DLGAP2: variants seen among roughly 807,000 people sequenced by gnomAD.
The protein encoded by DLGAP2 is DLG associated protein 2.
A neutral mutation model predicts 100.3 loss-of-function variants in DLGAP2; 26 were observed. The ratio of observed to expected loss-of-function variants is 0.26; its 90% CI spans 0.19 to 0.36. The LOEUF is 0.36. DLGAP2 is among the 10% of genes least tolerant of loss of function. DLGAP2 has a pLI of 1.00. For synonymous variants in DLGAP2, 886 were observed against 630.1 expected, an observed-to-expected ratio of 1.41 and a Z score of -6.08; for missense variants, 1,858 against 1,453.2, an observed-to-expected ratio of 1.28 and a Z score of -4.53.
Position 1,180,059 on chromosome 8 carries a change from T to C in DLGAP2, c.74-78792T>C, listed in dbSNP as rs568144288. Among the ~76,000 whole-genome samples the C allele has an allele frequency of 7.9e-5, 12 of 152,342 alleles. No homozygotes were observed. The South Asian group carries it at 2.3e-3, about 29-fold the overall frequency. On this transcript the variant is annotated intron_variant, in intron 2 of 14. Coordinates refer to ENST00000637795, the MANE Select transcript of DLGAP2 (RefSeq NM_001346810.2). ...TGAATGGAGAAGCACTGGCAAAGAA[T>C]TGTTGAATGTTCATGTTGTATCAAT...
chr8:1,038,577 G>C (rs1290612174), intron 2 of DLGAP2, among the ~76,000 whole-genome samples: 2 of 152,226 alleles, frequency 1.3e-5, no homozygotes, highest in Non-Finnish European at 2.9e-5. Flanking sequence ...TAATTCTCAA[G>C]AAGTAGCCCC....
chr8:1,070,403 G>T (rs1489310977), intron 2 of DLGAP2, among the ~76,000 whole-genome samples: 1 of 152,150 alleles, frequency 6.6e-6, no homozygotes, highest in Non-Finnish European at 1.5e-5. Flanking sequence ...CCTGAGGGAG[G>T]TGTGTGGATT....
chr8:1,254,849 C>T (rs986535893), intron 2 of DLGAP2, among the ~76,000 whole-genome samples: 3 of 152,186 alleles, frequency 2.0e-5, no homozygotes, highest in African/African-American at 7.2e-5. Flanking sequence ...CCTCCGTGGG[C>T]CTCACTCCCT....
chr8:973,645 C>G (rs528602546), intron 2 of DLGAP2, among the ~76,000 whole-genome samples: 3 of 152,234 alleles, frequency 2.0e-5, no homozygotes, highest in Non-Finnish European at 4.4e-5. Context: ...GCCGAGATCA[C>G]GCCACTGCAC....
intron 6 of DLGAP2, among the ~76,000 whole-genome samples, chr8:1,589,409 T>C (rs1309611050): frequency 1.3e-5 from 2 of 152,218 alleles, no homozygotes; most frequent in Non-Finnish European, 2.9e-5. Context: ...ATGAAACTTA[T>C]TCCTTGCATG....
At chr8:908,866 A>C (rs1798431177) in intron 2 of DLGAP2, among the ~76,000 whole-genome samples, 1 of 152,164 alleles carries the variant, frequency 6.6e-6, no homozygotes, top group African/African-American at 2.4e-5. Context: ...ACATTTTCTT[A>C]CTTGTTTTCT....
At chr8:1,230,404 G>T (rs1204314480) in intron 2 of DLGAP2, among the ~76,000 whole-genome samples, 1 of 152,078 alleles carries the variant, frequency 6.6e-6, no homozygotes, top group South Asian at 2.1e-4. Context: ...ATGGACTGGA[G>T]GAATCAATAT....
At chr8:1,209,390 C>T (rs1221080453) in intron 2 of DLGAP2, among the ~76,000 whole-genome samples, 1 of 152,148 alleles carries the variant, frequency 6.6e-6, no homozygotes, top group Non-Finnish European at 1.5e-5. Context: ...TTAGCTTTTT[C>T]CTTCCCTACA....
At chr8:1,588,486 G>A (rs1042651568) in intron 6 of DLGAP2, among the ~76,000 whole-genome samples, 7 of 152,166 alleles carry the variant, frequency 4.6e-5, no homozygotes, top group East Asian at 3.9e-4. Flanking sequence ...CTTCTTTGGC[G>A]TATGATGCCT....
chr8:792,920 T>C (rs1795946511), intron 1 of DLGAP2, among the ~76,000 whole-genome samples: 2 of 152,256 alleles, frequency 1.3e-5, no homozygotes, highest in South Asian at 4.1e-4. Flanking sequence ...CACGCATTTC[T>C]ATTGTGCTTT....
At chr8:1,478,892 G>A (rs903874703) in intron 3 of DLGAP2, among the ~76,000 whole-genome samples, 2 of 152,242 alleles carry the variant, frequency 1.3e-5, no homozygotes, top group East Asian at 1.9e-4. Context: ...AATGAGTCAC[G>A]AAGCTGGAGG....
intron 3 of DLGAP2, among the ~76,000 whole-genome samples, chr8:1,493,210 C>T (rs1563181236): frequency 6.6e-6 from 1 of 152,198 alleles, no homozygotes; most frequent in Admixed American, 6.5e-5. Flanking sequence ...ATCTCCGCAG[C>T]TCTGAGACGC....
rs1468365698 is a variant in DLGAP2, at chr8:846,322, C to G, written c.19-61590C>G. ...ACTCTTACCCAACCTCTGGTAACCACAATTCTACTCTCTACTTCTGTGAGA... is the reference window on the plus strand; with the variant it reads ...ACTCTTACCCAACCTCTGGTAACCAGAATTCTACTCTCTACTTCTGTGAGA... On this transcript the variant is annotated intron_variant, in intron 1 of 14. Coordinates refer to ENST00000637795, the MANE Select transcript of DLGAP2 (RefSeq NM_001346810.2). Among the ~76,000 whole-genome samples, 5 of 152,200 alleles carry G rather than the reference C, an allele frequency of 3.3e-5. No homozygotes were observed. In the East Asian group the frequency reaches 9.6e-4, roughly 29 times the overall value.
chr8:1,548,901 G>A lies in DLGAP2; in HGVS notation c.448G>A (p.Val150Met), dbSNP rs1801652289. The change falls in exon 5 of 15, where the codon GTG becomes ATG. Residue 150 changes from valine (V) to methionine (M), a missense_variant. Val to Met is a conservative substitution (Grantham distance 21). Coordinates refer to ENST00000637795, the MANE Select transcript of DLGAP2 (RefSeq NM_001346810.2). ...SVHSECVMMP[V>M]VLGDHVSSST... ...GCACTCGGAGTGCGTGATGATGCCG[G>A]TGGTGCTGGGCGACCACGTGTCCAG... The A allele has an allele frequency of 1.3e-6, 2 of 1,597,686 alleles. No individual in the cohort carries two copies. The highest frequency in any genetic ancestry group is 1.6e-4 in the Middle Eastern group (1 of 6,062).
At chr8:1,528,078 G>A (rs1467222814) in intron 4 of DLGAP2, among the ~76,000 whole-genome samples, 3 of 152,206 alleles carry the variant, frequency 2.0e-5, no homozygotes, top group South Asian at 2.1e-4. Context: ...CATCAATAAC[G>A]TGGCTTCCAG....
intron 6 of DLGAP2, among the ~76,000 whole-genome samples, chr8:1,577,623 C>T (rs1213176272): frequency 6.9e-6 from 1 of 145,612 alleles, no homozygotes; most frequent in Non-Finnish European, 1.5e-5. Flanking sequence ...GGATATCCAA[C>T]AAGAGGTTTA....
In DLGAP2 at chr8:1,667,122, C is replaced by T. The variant is rs150430128; in HGVS notation, c.1811-1207C>T. Among the ~76,000 whole-genome samples, 951 of 152,250 alleles carry T rather than the reference C, an allele frequency of 6.2e-3. 2 individuals carry two copies. Among genetic ancestry groups the T allele is most frequent in the Middle Eastern group, 0.01 (3 of 294 alleles). On this transcript the variant is annotated intron_variant, in intron 8 of 14. Coordinates refer to ENST00000637795, the MANE Select transcript of DLGAP2 (RefSeq NM_001346810.2). ...GCACTCTGATGAGGGGAGCAGATTCCCTTCAAGAAGCACTTTTATCAGCTC... is the reference window on the plus strand; with the variant it reads ...GCACTCTGATGAGGGGAGCAGATTCTCTTCAAGAAGCACTTTTATCAGCTC...
intron 12 of DLGAP2, among the ~76,000 whole-genome samples, chr8:1,685,086 G>A (rs1423587925): frequency 6.6e-6 from 1 of 151,602 alleles, no homozygotes; most frequent in Non-Finnish European, 1.5e-5. Flanking sequence ...ACAAGAGCCG[G>A]GGTCAGATGT....
chr8:838,516 A>G (rs918505009), intron 1 of DLGAP2, among the ~76,000 whole-genome samples: 2 of 152,110 alleles, frequency 1.3e-5, no homozygotes, highest in Admixed American at 6.5e-5. Context: ...AGGAATTTCA[A>G]TTAATCCATA....
Sources: gnomAD v4.1 joint callset for allele counts (sites outside exome capture counted in the v4.1 genomes callset) on GRCh38, gnomAD v4.1.1 for gene constraint, MANE v1.5 for transcripts, NCBI Gene and HGNC (gene_info 2026-07-23, HGNC 2026-07-21) for gene names.